The following DSCAML1 variants were observed in gnomAD, a reference collection of about 807,000 sequenced individuals.
The protein encoded by DSCAML1 is DS cell adhesion molecule like 1, also known as cell adhesion molecule DSCAML1.
Under a neutral mutation model 200.5 loss-of-function variants are expected in DSCAML1, and 38 were observed. That is an observed-to-expected ratio of 0.19 (90% CI 0.15 to 0.25). The LOEUF (loss-of-function observed/expected upper bound fraction) is 0.25. Among genes scored for constraint, DSCAML1 ranks in the 10% least tolerant of loss-of-function variants. The pLI is 1.00. For missense variants in DSCAML1, 2,223 were observed against 2,858.8 expected, an observed-to-expected ratio of 0.78 and a Z score of 5.07; for synonymous variants, 1,215 against 1,165.0, an observed-to-expected ratio of 1.04 and a Z score of -0.87.
At position 117,731,099 on chromosome 11, in the gene DSCAML1, C is replaced by T. The variant is rs182123340; in HGVS notation, c.511+45692G>A. ...ATGGCTATACAGCTCTGTGAATATA[C>T]TAAAAACAATTCAATCATACACATT... On this transcript the variant is annotated intron_variant, in intron 3 of 32. Coordinates refer to ENST00000651296, the MANE Select transcript of DSCAML1 (RefSeq NM_020693.4). Among the ~76,000 whole-genome samples the T allele has an allele frequency of 5.3e-5, 8 of 152,010 alleles. No homozygotes were observed. The East Asian group carries it at 1.5e-3, about 29-fold the overall frequency.
At chr11:117,491,292 T>G (rs2049177269) in intron 11 of DSCAML1, among the ~76,000 whole-genome samples, 1 of 152,248 alleles carries the variant, frequency 6.6e-6, no homozygotes, top group Admixed American at 6.5e-5. Flanking sequence ...TGCCAGGTAC[T>G]GTTCTGAGTT....
intron 8 of DSCAML1, among the ~76,000 whole-genome samples, chr11:117,506,860 G>A (rs2049509669): frequency 6.6e-6 from 1 of 152,160 alleles, no homozygotes; most frequent in African/African-American, 2.4e-5. Context: ...AGATCTTTTT[G>A]TCTTGTAGGT....
intron 3 of DSCAML1, among the ~76,000 whole-genome samples, chr11:117,682,846 A>T (rs1255023525): frequency 6.6e-6 from 1 of 152,164 alleles, no homozygotes; most frequent in Non-Finnish European, 1.5e-5. Context: ...AACTGCCCTG[A>T]GCCTGCTGTC....
intron 3 of DSCAML1, among the ~76,000 whole-genome samples, chr11:117,564,437 C>CA (rs1386541677): frequency 6.6e-6 from 1 of 152,194 alleles, no homozygotes; most frequent in African/African-American, 2.4e-5. Context: ...TGCTCTGGAA[C>CA]AATCATCCGC....
chr11:117,812,804 C>T (rs1200368563), intron 1 of DSCAML1, among the ~76,000 whole-genome samples: 1 of 137,626 alleles, frequency 7.3e-6, no homozygotes, highest in Non-Finnish European at 1.7e-5. Context: ...CCTTCCTAGG[C>T]ATGGTTAGTG....
chr11:117,671,805 G>A (rs2053113144), intron 3 of DSCAML1, among the ~76,000 whole-genome samples: 1 of 152,146 alleles, frequency 6.6e-6, no homozygotes, highest in African/African-American at 2.4e-5. Flanking sequence ...TAGCATTGCA[G>A]GTGTTTAGGG....
rs1214139057 is a variant in DSCAML1, at chr11:117,433,433, A to G, written c.4907+8T>C. ...GGAGGAGAAAGGAAGCAGCTTGGTGATACCCACCTTATCAACATTTCTGCC... is the reference window on the plus strand; with the variant it reads ...GGAGGAGAAAGGAAGCAGCTTGGTGGTACCCACCTTATCAACATTTCTGCC... On this transcript the variant is annotated splice_region_variant and intron_variant, in intron 28 of 32. Coordinates refer to ENST00000651296, the MANE Select transcript of DSCAML1 (RefSeq NM_020693.4). 6.2e-7 allele frequency: 1 copy of G among 1,613,388 alleles called. No homozygotes were observed. The highest frequency in any genetic ancestry group is 1.7e-5 in the Admixed American group (1 of 60,004).
At chr11:117,507,578 T>G (rs1370922514) in intron 8 of DSCAML1, among the ~76,000 whole-genome samples, 2 of 152,176 alleles carry the variant, frequency 1.3e-5, no homozygotes, top group Non-Finnish European at 2.9e-5. Context: ...TGACCGTCAG[T>G]AGGGCCCTCA....
chr11:117,437,028 T>G lies in DSCAML1; in HGVS notation c.4720+94A>C. On this transcript the variant is annotated intron_variant, in intron 26 of 32. Coordinates refer to ENST00000651296, the MANE Select transcript of DSCAML1 (RefSeq NM_020693.4). The surrounding 1 kb of genome is among the most constrained non-coding windows in gnomAD (Gnocchi z 5.3). ...CCTGCATTCCTGCCTGTTTTTCTAT[T>G]AGTCTGTCTCTTTATGTATCTGCCA... 1 of 1,475,544 alleles carries G rather than the reference T, an allele frequency of 6.8e-7. No individual in the cohort carries two copies. Among genetic ancestry groups the G allele is most frequent in the Non-Finnish European group, 9.1e-7 (1 of 1,102,536 alleles). The allele number at this position is 1,475,544 out of a possible 1,614,324, so 91.4% of individuals were successfully genotyped here.
intron 3 of DSCAML1, among the ~76,000 whole-genome samples, chr11:117,547,552 A>T (rs1388530994): frequency 6.6e-6 from 1 of 152,144 alleles, no homozygotes; most frequent in African/African-American, 2.4e-5. Context: ...TGCAGCTAGG[A>T]GGTGGTAGGA....
At chr11:117,710,339 C>T (rs746713222) in intron 3 of DSCAML1, among the ~76,000 whole-genome samples, 1 of 152,308 alleles carries the variant, frequency 6.6e-6, no homozygotes, top group Non-Finnish European at 1.5e-5. Flanking sequence ...TACTCTATTC[C>T]TCAGAGTATT....
intron 1 of DSCAML1, among the ~76,000 whole-genome samples, chr11:117,796,755 C>A (rs1314566377): frequency 6.6e-6 from 1 of 152,212 alleles, no homozygotes; most frequent in Admixed American, 6.5e-5. Flanking sequence ...GCAGAACTGC[C>A]GCCGTGCAGG....
intron 3 of DSCAML1, among the ~76,000 whole-genome samples, chr11:117,741,465 T>C (rs1405455891): frequency 6.6e-6 from 1 of 152,244 alleles, no homozygotes; most frequent in African/African-American, 2.4e-5. Flanking sequence ...GGATTCTACA[T>C]GAGCAAGAAA....
At chr11:117,573,261 TAG>T (rs2050876861) in intron 3 of DSCAML1, among the ~76,000 whole-genome samples, 1 of 152,248 alleles carries the variant, frequency 6.6e-6, no homozygotes, top group South Asian at 2.1e-4. Flanking sequence ...TCCAGCTTTC[TAG>T]AGACTAGAGC....
At chr11:117,559,233 A>G (rs981850460) in intron 3 of DSCAML1, among the ~76,000 whole-genome samples, 6 of 152,214 alleles carry the variant, frequency 3.9e-5, no homozygotes, top group Admixed American at 2.0e-4. Context: ...GCCATCATGT[A>G]CAGCTCAGGT....
intron 3 of DSCAML1, among the ~76,000 whole-genome samples, chr11:117,707,385 C>T (rs138551530): frequency 0.014 from 2,074 of 152,252 alleles, 36 homozygotes; most frequent in African/African-American, 0.047. Context: ...CCTTCAGGTA[C>T]CTCTCCTCTC....
At chr11:117,552,401 AG>A (rs565909703) in intron 3 of DSCAML1, among the ~76,000 whole-genome samples, 61 of 152,202 alleles carry the variant, frequency 4.0e-4, no homozygotes, top group Non-Finnish European at 3.2e-4. Context: ...TTTCCTGTCC[AG>A]GCCCTCATTT....
intron 3 of DSCAML1, among the ~76,000 whole-genome samples, chr11:117,775,717 G>C (rs2055118746): frequency 6.6e-6 from 1 of 152,114 alleles, no homozygotes; most frequent in Non-Finnish European, 1.5e-5. Flanking sequence ...CTACTCCTGG[G>C]AGAGTCTAAT....
At chr11:117,623,064 A>C (rs2051968561) in intron 3 of DSCAML1, among the ~76,000 whole-genome samples, 1 of 152,088 alleles carries the variant, frequency 6.6e-6, no homozygotes, top group African/African-American at 2.4e-5. Context: ...GTTATTTAAT[A>C]TCTCAAAGTC....
Sources: allele counts gnomAD v4.1 joint callset (sites outside exome capture counted in the v4.1 genomes callset), GRCh38; gene constraint gnomAD v4.1.1; non-coding constraint Gnocchi (gnomAD v3.1); transcripts MANE v1.5; gene names NCBI Gene and HGNC (gene_info 2026-07-23, HGNC 2026-07-21).